The following SPATA45 variants were observed in gnomAD, a reference collection of about 807,000 sequenced individuals.
SPATA45 encodes the protein spermatogenesis associated 45, also known as spermatogenesis-associated protein 45.
SPATA45 carries 5 observed loss-of-function variants against 7.0 expected under a neutral mutation model. The ratio of observed to expected loss-of-function variants is 0.71; its 90% CI spans 0.37 to 1.50. The LOEUF (loss-of-function observed/expected upper bound fraction) is 1.50, where lower values mean the gene tolerates loss of function less well. Among genes scored for constraint, SPATA45 ranks in the 40% most tolerant of loss-of-function variants. SPATA45 has a pLI of 0.03. For missense variants in SPATA45, 111 were observed against 114.9 expected (o/e 0.97, Z 0.16); for synonymous variants, 40 against 38.7 (o/e 1.03, Z -0.13).
At position 212,834,826 on chromosome 1, in the gene SPATA45, T is replaced by C. The variant is rs758479903; in HGVS notation, c.277+1047A>G. ...CTCCACTGCACCTCAATTTTGCACA[T>C]GAAATGTTTGTAAAGGCCAGAGAAA... On this transcript the variant is annotated intron_variant, in intron 2 of 2. Transcript: ENST00000332912. Among the ~76,000 whole-genome samples, 15 of 151,640 alleles carry C rather than the reference T, an allele frequency of 9.9e-5. 1 individual carries two copies. The highest frequency in any genetic ancestry group is 1.9e-4 in the Non-Finnish European group (13 of 67,760).
intron 2 of SPATA45, among the ~76,000 whole-genome samples, chr1:212,830,811 A>G (rs1195432206): frequency 6.6e-5 from 10 of 150,732 alleles, no homozygotes; most frequent in Admixed American, 6.6e-4. Flanking sequence ...TGAAACCCCC[A>G]TCTCTACTAA....
chr1:212,846,290 A>C (rs1238834334), intron 1 of SPATA45, among the ~76,000 whole-genome samples: 2 of 152,026 alleles, frequency 1.3e-5, no homozygotes, highest in African/African-American at 2.4e-5. Flanking sequence ...CATTGCCATT[A>C]TCTCTCCATA....
chr1:212,832,721 C>T (rs530894093), intron 2 of SPATA45, among the ~76,000 whole-genome samples: 57 of 151,582 alleles, frequency 3.8e-4, no homozygotes, highest in African/African-American at 1.3e-3. Flanking sequence ...TATTACCCTC[C>T]TGCATTTCTA....
rs188814426 is a variant in SPATA45 at position 212,836,735 on chromosome 1, G to A, written c.-38-548C>T. 3.9e-3 allele frequency among the ~76,000 whole-genome samples: 587 copies of A among 151,046 alleles called. 9 individuals are homozygous for A. Among genetic ancestry groups the A allele is most frequent in the African/African-American group, 0.014 (566 of 41,294 alleles). On this transcript the variant is annotated intron_variant, in intron 1 of 2. Transcript: ENST00000332912. The stretch of plus-strand genomic sequence containing the variant: ...TCGATCTCAGCTCACTGCAACCTCC[G>A]CCTCCAGGGTTCAAGCAATTCTCCT...
chr1:212,841,819 G>A (rs561041579), intron 1 of SPATA45, among the ~76,000 whole-genome samples: 1 of 151,862 alleles, frequency 6.6e-6, no homozygotes, highest in Non-Finnish European at 1.5e-5. Context: ...GTGCAGTGGC[G>A]TGATCTTGGC....
Position 212,838,326 on chromosome 1 carries a change from C to T in SPATA45, c.-38-2139G>A, listed in dbSNP as rs572610603. Among the ~76,000 whole-genome samples the T allele has an allele frequency of 1.3e-3, 196 of 149,508 alleles. 1 individual carries two copies. The highest frequency in any genetic ancestry group is 3.4e-3 in the Middle Eastern group (1 of 290). On this transcript the variant is annotated intron_variant, in intron 1 of 2. Coordinates refer to ENST00000332912, the MANE Select transcript of SPATA45 (RefSeq NM_001024601.3). ...CTAAAAAAAAAAAAAAAAATACATT[C>T]GTCATCATCAGTCACTAGGAAAGTG... is the stretch of plus-strand genomic sequence containing the variant.
At chr1:212,845,495 C>T (rs1270078142) in intron 1 of SPATA45, among the ~76,000 whole-genome samples, 7 of 152,208 alleles carry the variant, frequency 4.6e-5, no homozygotes, top group Non-Finnish European at 8.8e-5. Flanking sequence ...CACCTCTATA[C>T]AGTCTGATAA....
At chr1:212,842,888 A>T (rs548441976) in intron 1 of SPATA45, among the ~76,000 whole-genome samples, 10 of 150,858 alleles carry the variant, frequency 6.6e-5, no homozygotes, top group African/African-American at 2.2e-4. Flanking sequence ...GGAGATCAAG[A>T]CCATCCTGGC....
intron 1 of SPATA45, among the ~76,000 whole-genome samples, chr1:212,845,847 C>T (rs1195469397): frequency 6.6e-5 from 10 of 152,116 alleles, no homozygotes. Context: ...ACCCAGGCCT[C>T]CACTTATTCA....
intron 1 of SPATA45, among the ~76,000 whole-genome samples, chr1:212,846,987 G>C (rs1192696414): frequency 6.6e-6 from 1 of 151,962 alleles, no homozygotes; most frequent in Admixed American, 6.6e-5. Flanking sequence ...AACCTCCCGG[G>C]CTCAGGTGAT....
chr1:212,830,543 G>A (rs112689207), intron 2 of SPATA45, among the ~76,000 whole-genome samples: 47 of 150,428 alleles, frequency 3.1e-4, no homozygotes, highest in African/African-American at 1.1e-3. Flanking sequence ...GTCGTGGCGC[G>A]CTCCTGTAGT....
Position 212,836,058 on chromosome 1 carries a change from G to T in SPATA45, c.92C>A (p.Ser31Tyr). 6.2e-7 allele frequency: 1 copy of T among 1,610,748 alleles called. No individual in the cohort carries two copies. Among genetic ancestry groups the T allele is most frequent in the South Asian group, 1.1e-5 (1 of 90,756 alleles). The change falls in exon 2 of 3, where the codon TCC becomes TAC. Residue 31 changes from serine (S) to tyrosine (Y), a missense_variant. Coordinates refer to ENST00000332912, the MANE Select transcript of SPATA45 (RefSeq NM_001024601.3). ...LLEEINKKRE[S>Y]NCLVERSNQV... The stretch of plus-strand genomic sequence containing the variant: ...ATTGCTTCGTTCCACCAAGCAGTTG[G>T]ATTCACGCTTTTTGTTTATCTCCTC...
intron 2 of SPATA45, among the ~76,000 whole-genome samples, chr1:212,834,518 T>C (rs1663554254): frequency 6.6e-6 from 1 of 150,972 alleles, no homozygotes. Flanking sequence ...CGGAGTGATC[T>C]CGGCTCACTG....
intron 1 of SPATA45, among the ~76,000 whole-genome samples, chr1:212,845,568 T>C (rs1663778034): frequency 1.3e-5 from 2 of 152,156 alleles, no homozygotes; most frequent in Non-Finnish European, 2.9e-5. Context: ...ATTTAATGGC[T>C]CCTGGTTTTA....
chr1:212,836,879 G>A lies in SPATA45; in HGVS notation c.-38-692C>T, dbSNP rs1030886530. Among the ~76,000 whole-genome samples the A allele has an allele frequency of 6.1e-5, 9 of 147,164 alleles. No individual in the cohort carries two copies. The Admixed American group carries it at 6.1e-4, about 10-fold the overall frequency. Reference sequence around the variant, plus strand: ...TCACCATATTGGCCAGGTTGGTCTCGAACTCCTGAAGTTGTGATCCACCCG... The same window carrying A: ...TCACCATATTGGCCAGGTTGGTCTCAAACTCCTGAAGTTGTGATCCACCCG... On this transcript the variant is annotated intron_variant, in intron 1 of 2. Transcript: ENST00000332912.
intron 2 of SPATA45, among the ~76,000 whole-genome samples, chr1:212,833,255 A>G (rs6689604): frequency 0.33 from 49,298 of 151,114 alleles, 9,920 homozygotes; most frequent in Non-Finnish European, 0.41. Context: ...TGGGGTTCCT[A>G]AAGTCCATTA....
chr1:212,842,270 C>T (rs1663703649), intron 1 of SPATA45, among the ~76,000 whole-genome samples: 1 of 151,696 alleles, frequency 6.6e-6, no homozygotes, highest in African/African-American at 2.4e-5. Context: ...CCCAGCTACT[C>T]AGGAGGCTGA....
chr1:212,832,015 CT>C (rs10645815), intron 2 of SPATA45, among the ~76,000 whole-genome samples: 423 of 93,570 alleles, frequency 4.5e-3, no homozygotes, highest in African/African-American at 0.015. Flanking sequence ...CATTTACTTC[CT>C]TTTTTTTTTT....
intron 1 of SPATA45, among the ~76,000 whole-genome samples, chr1:212,846,567 A>G (rs186047606): frequency 9.6e-4 from 146 of 152,226 alleles, no homozygotes; most frequent in Non-Finnish European, 1.7e-3. Context: ...CCCTGCCCTT[A>G]AGAAGGTACT....
Sources: allele counts gnomAD v4.1 joint callset (sites outside exome capture counted in the v4.1 genomes callset), GRCh38; gene constraint gnomAD v4.1.1; transcripts MANE v1.5; gene names NCBI Gene and HGNC (gene_info 2026-07-23, HGNC 2026-07-21).